The following SYNJ2 variants were observed in gnomAD, a reference collection of about 807,000 sequenced individuals.
The protein encoded by SYNJ2 is polyphosphatidylinositol phosphatase SYNJ2.
Under a neutral mutation model 141.3 loss-of-function variants are expected in SYNJ2, and 116 were observed. The observed-to-expected ratio is 0.82, with a 90% CI of 0.71 to 0.96. SYNJ2 has a LOEUF of 0.96. Among genes scored for constraint, SYNJ2 ranks in the 40% least tolerant of loss-of-function variants. The probability of loss-of-function intolerance (pLI) is 0.00; values close to 1 mark genes in which losing one functional copy is unlikely to be tolerated. For synonymous variants in SYNJ2, 745 were observed against 777.7 expected, an observed-to-expected ratio of 0.96 and a Z score of 0.70; for missense variants, 1,873 against 1,934.8, an observed-to-expected ratio of 0.97 and a Z score of 0.60.
intron 1 of SYNJ2, among the ~76,000 whole-genome samples, chr6:158,014,659 ACT>A (rs1778382759): frequency 6.6e-6 from 1 of 152,094 alleles, no homozygotes. Flanking sequence ...GTCTGTCCCG[ACT>A]CTCTGCCCCA....
chr6:158,090,852 C>T (rs1783400027), intron 25 of SYNJ2, among the ~76,000 whole-genome samples: 1 of 151,746 alleles, frequency 6.6e-6, no homozygotes, highest in East Asian at 1.9e-4. Context: ...GCCGAGTGTG[C>T]CCTTTAAAAA....
At chr6:158,033,403 T>G in intron 3 of SYNJ2, 52 bp from the exon 4 acceptor site, 12 of 1,565,660 alleles carry the variant, frequency 7.7e-6, no homozygotes, top group Non-Finnish European at 1.1e-5. Context: ...CCAGGCAGCA[T>G]GTATTGGAGG....
rs1186012634 is a variant in SYNJ2, at chr6:158,066,451, C to T, written c.1533C>T (p.Pro511=). 5 of 1,614,090 alleles carry T rather than the reference C, an allele frequency of 3.1e-6. No homozygotes were observed. Among genetic ancestry groups the T allele is most frequent in the Non-Finnish European group, 3.4e-6 (4 of 1,180,054 alleles). The change falls in exon 12 of 27, where the codon CCC becomes CCT. Residue 511 remains proline (P), a synonymous_variant. Coordinates refer to ENST00000355585, the MANE Select transcript of SYNJ2 (RefSeq NM_003898.4). ...LLDSTALLVT[P]RILKAMTERQ... is the part of the protein sequence containing the mutation. ...TTTTATGCCTCCTGACAGTGACTCC[C>T]AGGATCCTGAAAGCTATGACTGAGC...
chr6:158,033,801 T>TTCC, intron 4 of SYNJ2, 121 bp downstream of exon 4: 1 of 1,011,030 alleles, frequency 9.9e-7, no homozygotes, highest in Non-Finnish European at 1.4e-6. Flanking sequence ...CTGATCAGGC[T>TTCC]TCCTCCTATA....
intron 4 of SYNJ2, among the ~76,000 whole-genome samples, chr6:158,038,200 C>T (rs1455447160): frequency 6.6e-6 from 1 of 152,182 alleles, no homozygotes; most frequent in Non-Finnish European, 1.5e-5. Context: ...TTTCTTGGCT[C>T]CCATAAGCCT....
At chr6:158,018,999 G>A (rs144861742) in intron 2 of SYNJ2, among the ~76,000 whole-genome samples, 1,672 of 152,342 alleles carry the variant, frequency 0.011, 19 homozygotes, top group Middle Eastern at 0.017. Flanking sequence ...ACTCACTTAG[G>A]AACTTGTTAA....
intron 12 of SYNJ2, chr6:158,067,600 C>A: frequency 1.0e-6 from 1 of 985,392 alleles, no homozygotes; most frequent in East Asian, 1.1e-4. Context: ...GACTCAGGAA[C>A]TTGTGGTTCA....
intron 2 of SYNJ2, among the ~76,000 whole-genome samples, chr6:158,024,523 G>A (rs939169362): frequency 6.6e-6 from 1 of 152,104 alleles, no homozygotes; most frequent in African/African-American, 2.4e-5. Flanking sequence ...GCCAATAGCA[G>A]GTACACTGGT....
At chr6:158,006,894 A>G (rs1419035849) in intron 1 of SYNJ2, among the ~76,000 whole-genome samples, 1 of 14,128 alleles carries the variant, frequency 7.1e-5, no homozygotes, top group African/African-American at 9.8e-4. Flanking sequence ...GCTGGTCTCG[A>G]ACTCCTAAAC....
At chr6:157,989,427 AATATAT>A (rs34948131) in intron 1 of SYNJ2, among the ~76,000 whole-genome samples, 17,368 of 96,044 alleles carry the variant, frequency 0.18, 1,624 homozygotes, top group East Asian at 0.38. Flanking sequence ...TAAAAAAATG[AATATAT>A]ATATATATAT....
intron 4 of SYNJ2, among the ~76,000 whole-genome samples, chr6:158,034,915 C>CA (rs1779559622): frequency 6.6e-6 from 1 of 152,220 alleles, no homozygotes; most frequent in Non-Finnish European, 1.5e-5. Context: ...CCAGTTATCC[C>CA]AGCACCGTTT....
chr6:158,085,208 A>G (rs146371526), intron 22 of SYNJ2, among the ~76,000 whole-genome samples: 2 of 151,908 alleles, frequency 1.3e-5, no homozygotes, highest in African/African-American at 4.8e-5. Context: ...TTTTGTAGAG[A>G]CGGGGTCTCA....
chr6:158,082,637 G>C (rs1268259082), intron 20 of SYNJ2, among the ~76,000 whole-genome samples: 1 of 152,174 alleles, frequency 6.6e-6, no homozygotes, highest in Non-Finnish European at 1.5e-5. Flanking sequence ...ACTCCAGCCT[G>C]GGTGACAGCG....
chr6:158,079,452 A>C (rs1039137026), intron 18 of SYNJ2: 1 of 150,852 alleles, frequency 6.6e-6, no homozygotes, highest in Non-Finnish European at 1.5e-5. Context: ...GGCTCATTGC[A>C]ACCTCCACCC....
At chr6:158,038,375 G>A (rs562807599) in intron 4 of SYNJ2, among the ~76,000 whole-genome samples, 14 of 152,308 alleles carry the variant, frequency 9.2e-5, no homozygotes, top group Admixed American at 3.3e-4. Context: ...AGATGCAGCC[G>A]CTGCGGATGC....
intron 20 of SYNJ2, 85 bp from the exon 21 acceptor site, chr6:158,083,344 G>T: frequency 2.0e-6 from 3 of 1,506,452 alleles, no homozygotes; most frequent in Admixed American, 1.9e-5. Flanking sequence ...TTGAGGGTGT[G>T]TGGGTTTTGG....
At position 158,071,150 on chromosome 6, in the gene SYNJ2, T is replaced by A. The variant is rs1781895106; in HGVS notation, c.1941-452T>A. 6.6e-6 allele frequency among the ~76,000 whole-genome samples: 1 copy of A among 152,172 alleles called. No homozygotes were observed. Among genetic ancestry groups the A allele is most frequent in the Non-Finnish European group, 1.5e-5 (1 of 68,024 alleles). On this transcript the variant is annotated intron_variant, in intron 14 of 26. Coordinates refer to ENST00000355585, the MANE Select transcript of SYNJ2 (RefSeq NM_003898.4). The surrounding 1 kb of genome is among the most constrained non-coding windows in gnomAD (Gnocchi z 4.3). ...GTGAGCTGAGATCACGCTGCTGCAC[T>A]CCAGCCAGGGTGACAGAGCGAGACT...
chr6:157,983,634 A>T (rs1777092012), intron 1 of SYNJ2, among the ~76,000 whole-genome samples: 1 of 152,228 alleles, frequency 6.6e-6, no homozygotes, highest in Non-Finnish European at 1.5e-5. Context: ...AAAAATGATT[A>T]ATGACAGTAA....
chr6:158,042,616 G>A (rs1216017885), intron 4 of SYNJ2, among the ~76,000 whole-genome samples: 1 of 152,252 alleles, frequency 6.6e-6, no homozygotes, highest in Non-Finnish European at 1.5e-5. Flanking sequence ...TTGGAGGCCT[G>A]CAGGCACACT....
Sources: gnomAD v4.1 joint callset for allele counts (sites outside exome capture counted in the v4.1 genomes callset) on GRCh38, gnomAD v4.1.1 for gene constraint, Gnocchi (gnomAD v3.1) non-coding constraint, MANE v1.5 for transcripts, NCBI Gene and HGNC (gene_info 2026-07-23, HGNC 2026-07-21) for gene names.